The following CD99L2 variants were observed in gnomAD, a reference collection of about 807,000 sequenced individuals.
The protein encoded by CD99L2 is CD99 molecule like 2.
In CD99L2, 24 loss-of-function variants were observed where a neutral mutation model predicts 27.3. That is an observed-to-expected ratio of 0.88 (90% confidence interval 0.64 to 1.24). CD99L2 has a LOEUF of 1.24. CD99L2 is among the 50% of genes most tolerant of loss of function. CD99L2 has a pLI of 0.00. For missense variants in CD99L2, 255 were observed against 221.6 expected, an observed-to-expected ratio of 1.15 and a Z score of -0.96; for synonymous variants, 97 against 87.9, an observed-to-expected ratio of 1.10 and a Z score of -0.58.
intron 1 of CD99L2, among the ~76,000 whole-genome samples, chrX:150,854,463 T>C (rs2046839737): frequency 9.0e-6 from 1 of 111,611 alleles, no homozygotes; most frequent in Non-Finnish European, 1.9e-5. Flanking sequence ...TTATACTTTT[T>C]GTTATGGGCT....
Position 150,777,457 on chromosome X carries a change from G to A in CD99L2, c.522C>T (p.Asp174=), listed in dbSNP as rs1429188890. 17 of 1,210,276 alleles carry A rather than the reference G, an allele frequency of 1.4e-5. No individual in the cohort carries two copies. The highest frequency in any genetic ancestry group is 1.0e-4 in the African/African-American group (6 of 57,331). The change falls in exon 8 of 11, where the codon GAC becomes GAT. Residue 174 remains aspartate, a synonymous_variant. Transcript: ENST00000370377. ...GKGDGRYGSN[D]DPGSGMVAEP... ...TCAGAAACCCACCAGATCCAGGGTC[G>A]TCATTGCTGCCGTACCGGCCATCAC...
chrX:150,887,823 G>A (rs782280558), intron 1 of CD99L2, among the ~76,000 whole-genome samples: 11 of 111,976 alleles, frequency 9.8e-5, no homozygotes, highest in Non-Finnish European at 1.9e-4. Context: ...AGGCACACAC[G>A]GAGCTAGGCT....
intron 4 of CD99L2, among the ~76,000 whole-genome samples, chrX:150,802,010 T>C (rs1459104520): frequency 8.9e-6 from 1 of 112,094 alleles, no homozygotes; most frequent in African/African-American, 3.2e-5. Flanking sequence ...GACATCACTC[T>C]TACCACTCTT....
chrX:150,846,984 C>A (rs1398788887), intron 1 of CD99L2, among the ~76,000 whole-genome samples: 1 of 112,477 alleles, frequency 8.9e-6, no homozygotes. Flanking sequence ...CAGAGCCAGG[C>A]AGAGTGGAAC....
At chrX:150,862,856 CAG>C (rs1276252794) in intron 1 of CD99L2, among the ~76,000 whole-genome samples, 1 of 99,526 alleles carries the variant, frequency 1.0e-5, no homozygotes, top group Non-Finnish European at 2.0e-5. Flanking sequence ...GAGAGAGAGA[CAG>C]AGAGAGAAAG....
chrX:150,770,401 C>T (rs782409265), intron 9 of CD99L2, 32 bp from the exon 10 acceptor site: 16 of 1,169,526 alleles, frequency 1.4e-5, no homozygotes, highest in South Asian at 1.8e-5. Context: ...GTTAGTGATG[C>T]GCACAGGACC....
At chrX:150,881,358 C>A (rs66528549) in intron 1 of CD99L2, among the ~76,000 whole-genome samples, 8,649 of 111,540 alleles carry the variant, frequency 0.078, 451 homozygotes, top group African/African-American at 0.19. Flanking sequence ...ATGGGCTCTA[C>A]CTCCTTTGCC....
At position 150,777,242 on chromosome X, in the gene CD99L2, G is replaced by A. The variant is rs182951634; in HGVS notation, c.535+202C>T. On this transcript the variant is annotated intron_variant, in intron 8 of 10. Coordinates refer to ENST00000370377, the MANE Select transcript of CD99L2 (RefSeq NM_031462.4). ...AGGGTAAAGATATTGAGGCCCATAAGAAATTTCTTTGTAGGCAAATTGTGA... is the reference window on the plus strand; with the variant it reads ...AGGGTAAAGATATTGAGGCCCATAAAAAATTTCTTTGTAGGCAAATTGTGA... The A allele has an allele frequency of 1.5e-3, 708 of 465,194 alleles. 2 individuals carry two copies. In the Middle Eastern group the frequency reaches 0.017, roughly 11 times the overall value. The allele number at this position is 465,194 out of a possible 1,213,427, so 38.3% of individuals were successfully genotyped here.
Position 150,795,428 on chromosome X carries a change from T to C in CD99L2, c.336A>G (p.Ala112=), listed in dbSNP as rs1387336531. The C allele has an allele frequency of 3.3e-6, 4 of 1,209,775 alleles. No homozygotes were observed. In the African/African-American group the frequency reaches 7.0e-5, roughly 21 times the overall value. Residue 112 remains alanine (A), a synonymous_variant, in exon 5 of 11, where the codon GCA becomes GCG. Coordinates refer to ENST00000370377, the MANE Select transcript of CD99L2 (RefSeq NM_031462.4). Reference sequence around the variant, plus strand: ...GAGCGGCCACCTTACCTAAAGTATTTGCTGGAGCTCTGGTGGTTACTGGCC... The same window carrying C: ...GAGCGGCCACCTTACCTAAAGTATTCGCTGGAGCTCTGGTGGTTACTGGCC... ...TKRPVTTRAP[A]NTLGNDFDLA...
chrX:150,769,172 G>A (rs782481338), intron 10 of CD99L2, 71 bp from the exon 11 acceptor site: 1 of 1,079,079 alleles, frequency 9.3e-7, no homozygotes, highest in East Asian at 3.5e-5. Flanking sequence ...ACAGCAGCAA[G>A]CCCGTGCTGG....
At chrX:150,795,602 T>C in intron 4 of CD99L2, 116 bp from the exon 5 acceptor site, 1 of 683,784 alleles carries the variant, frequency 1.5e-6, no homozygotes, top group East Asian at 3.2e-5. Flanking sequence ...TTGAGGCTCC[T>C]ATAGGACCTC....
Position 150,857,234 on chromosome X carries a change from G to T in CD99L2, c.68-25941C>A, listed in dbSNP as rs1255425938. On this transcript the variant is annotated intron_variant, in intron 1 of 10. Transcript: ENST00000370377. Reference sequence around the variant, plus strand: ...ATGAAAACTTCCCATGCCTAGCAGGGAATATAGACATCCAGATCCAGGAGG... The same window carrying T: ...ATGAAAACTTCCCATGCCTAGCAGGTAATATAGACATCCAGATCCAGGAGG... Among the ~76,000 whole-genome samples the T allele has an allele frequency of 3.6e-5, 4 of 111,331 alleles. No individual in the cohort carries two copies. The East Asian group carries it at 1.1e-3, about 31-fold the overall frequency.
At chrX:150,821,361 A>G (rs1007704965) in intron 2 of CD99L2, among the ~76,000 whole-genome samples, 3 of 112,452 alleles carry the variant, frequency 2.7e-5, no homozygotes, top group African/African-American at 9.7e-5. Flanking sequence ...GTAAACCTTC[A>G]TATTTATGGT....
chrX:150,856,116 T>C (rs1603306794), intron 1 of CD99L2, among the ~76,000 whole-genome samples: 1 of 113,011 alleles, frequency 8.8e-6, no homozygotes, highest in East Asian at 2.8e-4. Context: ...GCCCACACTT[T>C]GGCATCTGCC....
At position 150,841,932 on chromosome X, in the gene CD99L2, G is replaced by A. The variant is rs868910189; in HGVS notation, c.68-10639C>T. On this transcript the variant is annotated intron_variant, in intron 1 of 10. Transcript: ENST00000370377. The stretch of plus-strand genomic sequence containing the variant: ...GGGTCATGTTCTATACCCCTTCTAT[G>A]CAAGCTATTAACTAAACTCAGTTTT... 1.5e-3 allele frequency among the ~76,000 whole-genome samples: 164 copies of A among 111,611 alleles called. 1 individual carries two copies. Among genetic ancestry groups the A allele is most frequent in the African/African-American group, 5.0e-3 (154 of 30,746 alleles).
In CD99L2 at chrX:150,815,953, G is replaced by A. The variant is rs782718374; in HGVS notation, c.202+54C>T. The A allele has an allele frequency of 6.8e-5, 76 of 1,124,641 alleles. No individual in the cohort carries two copies. The South Asian group carries it at 1.3e-3, about 19-fold the overall frequency. 92.7% of individuals were successfully genotyped at this position (1,124,641 alleles called of 1,213,427 possible). Reference sequence around the variant, plus strand: ...GGTAGTTCACTTGCATGCTACCCCAGAGGGAACTCCAGAGGGCCCTTCCTC... The same window carrying A: ...GGTAGTTCACTTGCATGCTACCCCAAAGGGAACTCCAGAGGGCCCTTCCTC... On this transcript the variant is annotated intron_variant, in intron 3 of 10. Transcript: ENST00000370377.
At chrX:150,858,549 C>T (rs782579285) in intron 1 of CD99L2, among the ~76,000 whole-genome samples, 81 of 112,344 alleles carry the variant, frequency 7.2e-4, no homozygotes, top group Non-Finnish European at 1.4e-3. Context: ...ACAAGAAGAA[C>T]TTTGGAAACT....
At chrX:150,776,410 C>G (rs190766331) in intron 8 of CD99L2, 117 bp from the exon 9 acceptor site, 5 of 873,697 alleles carry the variant, frequency 5.7e-6, no homozygotes, top group South Asian at 2.7e-5. Context: ...CCCCAACCCC[C>G]AAGCCAGCAG....
chrX:150,807,376 T>C (rs1221674613), intron 4 of CD99L2, among the ~76,000 whole-genome samples: 1 of 111,489 alleles, frequency 9.0e-6, no homozygotes, highest in Admixed American at 9.5e-5. Flanking sequence ...CCTAAACTCG[T>C]CTTTTGGGTC....
Sources: allele counts gnomAD v4.1 joint callset (sites outside exome capture counted in the v4.1 genomes callset), GRCh38; gene constraint gnomAD v4.1.1; transcripts MANE v1.5; gene names NCBI Gene and HGNC (gene_info 2026-07-23, HGNC 2026-07-21).